The following NFIB variants were observed in gnomAD, a reference collection of about 807,000 sequenced individuals.
NFIB encodes nuclear factor 1 B-type.
NFIB carries 11 observed loss-of-function variants against 61.5 expected under a neutral mutation model. The observed-to-expected ratio is 0.18, with a 90% CI of 0.11 to 0.30. NFIB has a LOEUF of 0.30. Among genes scored for constraint, NFIB ranks in the 10% least tolerant of loss-of-function variants. The pLI, the probability that NFIB is intolerant of heterozygous loss-of-function variation, is 1.00. For synonymous variants in NFIB, 260 were observed against 216.5 expected (o/e 1.20, Z -1.76); for missense variants, 471 against 608.9 (o/e 0.77, Z 2.38).
chr9:14,441,873 C>G, the NFIB span, among the ~76,000 whole-genome samples: 2 of 152,194 alleles, frequency 1.3e-5, no homozygotes, highest in Non-Finnish European at 2.9e-5. Flanking sequence ...CGAGAGGCAA[C>G]TATGATTGTA....
intron 3 of NFIB, among the ~76,000 whole-genome samples, chr9:14,175,167 C>CTT (rs55765054): frequency 4.8e-5 from 6 of 126,032 alleles, no homozygotes; most frequent in African/African-American, 9.8e-5. Context: ...TAAAGAATTT[C>CTT]TTTTTTTTTT....
intron 1 of NFIB, among the ~76,000 whole-genome samples, chr9:14,368,142 G>A (rs1425205370): frequency 2.5e-5 from 2 of 81,034 alleles, no homozygotes; most frequent in African/African-American, 5.2e-5. Flanking sequence ...TGTAAAGTAA[G>A]TAAAGTAAGA....
intron 1 of NFIB, among the ~76,000 whole-genome samples, chr9:14,342,904 T>G (rs1422956697): frequency 6.6e-6 from 1 of 152,198 alleles, no homozygotes; most frequent in African/African-American, 2.4e-5. Flanking sequence ...CTTCTCAGAC[T>G]AAATGAGTTT....
chr9:14,163,478 A>T (rs12156460), intron 3 of NFIB, among the ~76,000 whole-genome samples: 58,204 of 151,656 alleles, frequency 0.38, 14,055 homozygotes, highest in Non-Finnish European at 0.54. Context: ...GGCAAATTCA[A>T]ACAAAAAGGA....
intron 2 of NFIB, among the ~76,000 whole-genome samples, chr9:14,248,553 G>A (rs891904218): frequency 2.6e-5 from 4 of 152,142 alleles, no homozygotes; most frequent in African/African-American, 9.7e-5. Flanking sequence ...TTACAGGCAT[G>A]AGCCACCACG....
At chr9:14,227,364 A>G (rs915731151) in intron 2 of NFIB, among the ~76,000 whole-genome samples, 2 of 152,178 alleles carry the variant, frequency 1.3e-5, no homozygotes, top group African/African-American at 4.8e-5. Context: ...AGGTCAGTAT[A>G]GGGCATGAAA....
intron 1 of NFIB, among the ~76,000 whole-genome samples, chr9:14,365,806 A>G (rs1267585453): frequency 1.3e-5 from 2 of 152,190 alleles, no homozygotes; most frequent in African/African-American, 2.4e-5. Context: ...GGGAGAGAGT[A>G]TCAAGCGTGT....
rs541442107 is a variant in NFIB at position 14,340,050 on chromosome 9, C to T, written c.109-32530G>A. 5.9e-5 allele frequency among the ~76,000 whole-genome samples: 9 copies of T among 152,296 alleles called. No individual in the cohort carries two copies. The South Asian group carries it at 1.9e-3, about 32-fold the overall frequency. ...TGACCAGACTGAGGCCCAAAGAGGT[C>T]AAGTGAGTTGTCCAAAGTTCACCTT... On this transcript the variant is annotated intron_variant, in intron 1 of 8. Transcript: ENST00000380934.
Position 14,352,061 on chromosome 9 carries a change from A to G in NFIB, c.109-44541T>C, listed in dbSNP as rs117870818. ...GTGAGCATCAACTGTGCACCAGACCACGTACCATGCCAGATATGTTACATA... is the reference window on the plus strand; with the variant it reads ...GTGAGCATCAACTGTGCACCAGACCGCGTACCATGCCAGATATGTTACATA... On this transcript the variant is annotated intron_variant, in intron 1 of 8. Coordinates refer to the NFIB transcript ENST00000380934. Among the ~76,000 whole-genome samples the G allele has an allele frequency of 1.9e-4, 29 of 152,332 alleles. No homozygotes were observed. The East Asian group carries it at 1.9e-3, about 10-fold the overall frequency.
intron 1 of NFIB, among the ~76,000 whole-genome samples, chr9:14,326,500 G>T (rs191049290): frequency 6.6e-6 from 1 of 152,280 alleles, no homozygotes; most frequent in African/African-American, 2.4e-5. Context: ...TGCACACATA[G>T]ATCTGATGAC....
chr9:14,170,002 TA>T, intron 3 of NFIB, among the ~76,000 whole-genome samples: 1 of 152,330 alleles, frequency 6.6e-6, no homozygotes, highest in Non-Finnish European at 1.5e-5. Context: ...ACTCCTCGGG[TA>T]ATTAGACACA....
the NFIB span, among the ~76,000 whole-genome samples, chr9:14,417,084 G>C: frequency 6.6e-6 from 1 of 151,252 alleles, no homozygotes; most frequent in African/African-American, 2.5e-5. Flanking sequence ...AGTAGAGACA[G>C]GGTTTCACCA....
chr9:14,161,749 A>C (rs1342647206), intron 3 of NFIB, among the ~76,000 whole-genome samples: 1 of 152,156 alleles, frequency 6.6e-6, no homozygotes, highest in Non-Finnish European at 1.5e-5. Context: ...CCTCATACAC[A>C]AATCTTTGTC....
the NFIB span, among the ~76,000 whole-genome samples, chr9:14,517,160 T>C: frequency 6.6e-6 from 1 of 152,226 alleles, no homozygotes; most frequent in Non-Finnish European, 1.5e-5. Flanking sequence ...AAATTTCACA[T>C]AATTTAATTT....
At chr9:14,447,065 G>T in the NFIB span, among the ~76,000 whole-genome samples, 1 of 152,108 alleles carries the variant, frequency 6.6e-6, no homozygotes, top group Non-Finnish European at 1.5e-5. Context: ...TTATATGCTT[G>T]AGGTATTTTT....
At chr9:14,159,738 G>A (rs1424726117) in intron 3 of NFIB, among the ~76,000 whole-genome samples, 1 of 152,208 alleles carries the variant, frequency 6.6e-6, no homozygotes, top group Non-Finnish European at 1.5e-5. Flanking sequence ...GAGGGCTGTA[G>A]CAAAATAACT....
At chr9:14,358,095 T>C (rs2061197015) in intron 1 of NFIB, among the ~76,000 whole-genome samples, 1 of 152,082 alleles carries the variant, frequency 6.6e-6, no homozygotes, top group Admixed American at 6.6e-5. Context: ...CTTTGTGATT[T>C]TGTTAAAAAC....
intron 2 of NFIB, among the ~76,000 whole-genome samples, chr9:14,188,796 C>T (rs1405444788): frequency 6.6e-6 from 1 of 152,154 alleles, no homozygotes; most frequent in South Asian, 2.1e-4. Flanking sequence ...TTCAGCTATA[C>T]TATGTAATAT....
the NFIB span, among the ~76,000 whole-genome samples, chr9:14,498,244 G>A: frequency 6.6e-6 from 1 of 152,228 alleles, no homozygotes; most frequent in Non-Finnish European, 1.5e-5. Flanking sequence ...GGAAGGTCAG[G>A]AGAAGCTATG....
Sources: gnomAD v4.1 joint callset for allele counts (sites outside exome capture counted in the v4.1 genomes callset) on GRCh38, gnomAD v4.1.1 for gene constraint, MANE v1.5 for transcripts, NCBI Gene and HGNC (gene_info 2026-07-23, HGNC 2026-07-21) for gene names.